Variants in SLC8A3 observed in about 807,000 individuals in gnomAD.
The protein encoded by SLC8A3 is sodium/calcium exchanger 3.
Under a neutral mutation model 65.4 loss-of-function variants are expected in SLC8A3, and 37 were observed. The ratio of observed to expected loss-of-function variants is 0.57; its 90% CI spans 0.44 to 0.74. SLC8A3 has a LOEUF of 0.74. Ranked by LOEUF, SLC8A3 falls within the 30% of genes least tolerant of loss-of-function variation. The pLI, the probability that SLC8A3 is intolerant of heterozygous loss-of-function variation, is 0.00. For missense variants in SLC8A3, 1,112 were observed against 1,172.1 expected (o/e 0.95, Z 0.75); for synonymous variants, 461 against 444.5 (o/e 1.04, Z -0.47).
intron 3 of SLC8A3, among the ~76,000 whole-genome samples, chr14:70,057,945 G>A (rs1888351910): frequency 6.6e-6 from 1 of 152,090 alleles, no homozygotes; most frequent in African/African-American, 2.4e-5. Context: ...CAATGTCCAG[G>A]CCCAGGCCCA....
intron 2 of SLC8A3, among the ~76,000 whole-genome samples, chr14:70,091,946 T>C (rs1431671343): frequency 2.0e-5 from 3 of 152,218 alleles, no homozygotes; most frequent in African/African-American, 7.2e-5. Context: ...TAAAACACCA[T>C]TGTGTTATGG....
At position 70,179,957 on chromosome 14, in the gene SLC8A3, G is replaced by T. The variant is rs553207902; in HGVS notation, c.-63+8422C>A. Among the ~76,000 whole-genome samples, 46 of 152,292 alleles carry T rather than the reference G, an allele frequency of 3.0e-4. No homozygotes were observed. The South Asian group carries it at 8.5e-3, about 28-fold the overall frequency. ...AATGCCAGAGGTCTCCTTTCAGCAGGCTGAAGGAGTGTGTCATGTCGGGAA... is the reference window on the plus strand; with the variant it reads ...AATGCCAGAGGTCTCCTTTCAGCAGTCTGAAGGAGTGTGTCATGTCGGGAA... On this transcript the variant is annotated intron_variant, in intron 1 of 6. Coordinates refer to ENST00000356921, the MANE Select transcript of SLC8A3 (RefSeq NM_182932.3).
At chr14:70,057,263 T>C (rs1363250087) in intron 3 of SLC8A3, among the ~76,000 whole-genome samples, 2 of 151,678 alleles carry the variant, frequency 1.3e-5, no homozygotes, top group African/African-American at 4.9e-5. Flanking sequence ...CCTCACTACA[T>C]TGAGATAGAT....
intron 2 of SLC8A3, among the ~76,000 whole-genome samples, chr14:70,130,330 T>C (rs1894739484): frequency 6.6e-6 from 1 of 152,208 alleles, no homozygotes; most frequent in Admixed American, 6.5e-5. Flanking sequence ...CCGCCCCCTA[T>C]AAAGGTGTAA....
chr14:70,055,234 G>A (rs941812068), intron 3 of SLC8A3, among the ~76,000 whole-genome samples: 1 of 152,070 alleles, frequency 6.6e-6, no homozygotes, highest in Non-Finnish European at 1.5e-5. Flanking sequence ...GACTTTAAGG[G>A]TCAATGACAA....
At chr14:70,063,701 A>G (rs948107269) in intron 2 of SLC8A3, 19 of 636,660 alleles carry the variant, frequency 3.0e-5, no homozygotes, top group African/African-American at 2.7e-4. Flanking sequence ...AAGAGAGGAG[A>G]CAAGGGAAAG....
At chr14:70,148,258 C>T (rs1360027728) in intron 2 of SLC8A3, among the ~76,000 whole-genome samples, 1 of 152,118 alleles carries the variant, frequency 6.6e-6, no homozygotes, top group Non-Finnish European at 1.5e-5. Flanking sequence ...GAAATAAATA[C>T]ATTTTTGACT....
rs74061059 is a variant in SLC8A3, at chr14:70,121,520, C to A, written c.1784+45119G>T. Among the ~76,000 whole-genome samples the A allele has an allele frequency of 9.0e-3, 1,369 of 152,278 alleles. 16 individuals carry two copies. The highest frequency in any genetic ancestry group is 0.03 in the African/African-American group (1,259 of 41,564). On this transcript the variant is annotated intron_variant, in intron 2 of 6. Coordinates refer to ENST00000356921, the MANE Select transcript of SLC8A3 (RefSeq NM_182932.3). ...CACTGGGCCAGTTGCCTCCTTAAAC[C>A]ACTTCAGCCTCAGTTTCTGTATATT...
At chr14:70,094,791 T>G (rs1399924036) in intron 2 of SLC8A3, among the ~76,000 whole-genome samples, 1 of 152,194 alleles carries the variant, frequency 6.6e-6, no homozygotes, top group Non-Finnish European at 1.5e-5. Context: ...GCAGCAAAAA[T>G]AATTCCCATC....
chr14:70,077,611 C>A (rs191720616), intron 2 of SLC8A3, among the ~76,000 whole-genome samples: 1 of 152,258 alleles, frequency 6.6e-6, no homozygotes, highest in East Asian at 1.9e-4. Context: ...CGTGGCTGTC[C>A]AGTAGGCAGA....
chr14:70,081,070 T>C (rs1594952026), intron 2 of SLC8A3, among the ~76,000 whole-genome samples: 3 of 152,294 alleles, frequency 2.0e-5, no homozygotes, highest in Admixed American at 6.5e-5. Context: ...AAAATTTATG[T>C]GAAGATGAAA....
At chr14:70,048,624 T>C (rs1358201652) in intron 6 of SLC8A3, 143 bp downstream of exon 6, 5 of 753,010 alleles carry the variant, frequency 6.6e-6, no homozygotes, top group Non-Finnish European at 9.3e-6. Flanking sequence ...ATTCATCTCT[T>C]TGATTGACTT....
chr14:70,116,321 C>CTGTGTGTGTGTGTGTGTGTG (rs55890014), intron 2 of SLC8A3, among the ~76,000 whole-genome samples: 5 of 147,768 alleles, frequency 3.4e-5, no homozygotes, highest in African/African-American at 1.3e-4. Flanking sequence ...ATTGAGAACA[C>CTGTGTGTGTGTGTGTGTGTG]TGTGTGTGTG....
At position 70,167,068 on chromosome 14, in the gene SLC8A3, G is replaced by T; in HGVS notation, c.1355C>A (p.Thr452Lys). The change falls in exon 2 of 7, where the codon ACG becomes AAG. Residue 452 changes from threonine to lysine, a missense_variant. Transcript: ENST00000356921. ...GGTCTCTCCTGGCTTCAGAACCACC[G>T]TGCCCTCTGTGAACTCATAGTCAGC... Reference protein sequence around the residue: ...AGADYEFTEGTVVLKPGETQK... With the variant: ...AGADYEFTEGKVVLKPGETQK... The T allele has an allele frequency of 6.2e-7, 1 of 1,613,800 alleles. No individual in the cohort carries two copies. Among genetic ancestry groups the T allele is most frequent in the East Asian group, 2.2e-5 (1 of 44,874 alleles).
chr14:70,089,330 T>C lies in SLC8A3; in HGVS notation c.1785-28391A>G, dbSNP rs568323096. On this transcript the variant is annotated intron_variant, in intron 2 of 6. Transcript: ENST00000356921. ...TACTAAATACTCAATTGAAATTACT[T>C]GTTTATAAGACCACCTCCAGCATGA... Among the ~76,000 whole-genome samples, 4 of 152,242 alleles carry C rather than the reference T, an allele frequency of 2.6e-5. No individual in the cohort carries two copies. In the South Asian group the frequency reaches 8.3e-4, roughly 32 times the overall value.
intron 1 of SLC8A3, among the ~76,000 whole-genome samples, chr14:70,169,983 G>A (rs897523987): frequency 2.6e-5 from 4 of 151,920 alleles, no homozygotes; most frequent in Admixed American, 6.6e-5. Flanking sequence ...TCCCAGCCCA[G>A]GCCACCATCA....
intron 2 of SLC8A3, among the ~76,000 whole-genome samples, chr14:70,143,571 C>A (rs866772845): frequency 1.1e-4 from 16 of 152,238 alleles, no homozygotes; most frequent in Non-Finnish European, 1.5e-4. Flanking sequence ...CCCACGTCAA[C>A]ACAATGAAAT....
intron 5 of SLC8A3, 56 bp from the exon 6 acceptor site, chr14:70,049,098 T>C: frequency 2.6e-6 from 4 of 1,535,486 alleles, no homozygotes; most frequent in Non-Finnish European, 3.5e-6. Flanking sequence ...TAATCATTCA[T>C]GAGAAAGTCA....
chr14:70,139,216 T>C (rs1220128378), intron 2 of SLC8A3, among the ~76,000 whole-genome samples: 1 of 151,970 alleles, frequency 6.6e-6, no homozygotes, highest in Non-Finnish European at 1.5e-5. Context: ...TGTTGACTAG[T>C]AGGGAGATTT....
Sources: allele counts gnomAD v4.1 joint callset (sites outside exome capture counted in the v4.1 genomes callset), GRCh38; gene constraint gnomAD v4.1.1; transcripts MANE v1.5; gene names NCBI Gene and HGNC (gene_info 2026-07-23, HGNC 2026-07-21).